The following BBX variants were observed in gnomAD, a reference collection of about 807,000 sequenced individuals.
The protein encoded by BBX is HMG box transcription factor BBX.
BBX carries 30 observed loss-of-function variants against 100.2 expected under a neutral mutation model. The ratio of observed to expected loss-of-function variants is 0.30; its 90% CI spans 0.22 to 0.41. The LOEUF is 0.41. BBX is among the 10% of genes least tolerant of loss of function. BBX has a pLI of 1.00. For synonymous variants in BBX, 376 were observed against 388.1 expected, an observed-to-expected ratio of 0.97 and a Z score of 0.37; for missense variants, 1,023 against 1,129.8, an observed-to-expected ratio of 0.91 and a Z score of 1.35.
At chr3:107,776,661 C>A (rs952052972) in intron 12 of BBX, among the ~76,000 whole-genome samples, 1 of 152,102 alleles carries the variant, frequency 6.6e-6, no homozygotes, top group Non-Finnish European at 1.5e-5. Flanking sequence ...AAGAAAAATT[C>A]TCTCAGTATT....
chr3:107,674,193 A>G (rs1354915293), intron 3 of BBX, among the ~76,000 whole-genome samples: 1 of 152,186 alleles, frequency 6.6e-6, no homozygotes, highest in Non-Finnish European at 1.5e-5. Context: ...ACATGTAAAT[A>G]TCTTTGGAAA....
chr3:107,721,187 A>G (rs890012939), intron 5 of BBX, among the ~76,000 whole-genome samples: 1 of 152,060 alleles, frequency 6.6e-6, no homozygotes, highest in Non-Finnish European at 1.5e-5. Flanking sequence ...TTCTCAAAGC[A>G]TTCAGAACAT....
At chr3:107,670,529 A>G (rs1314898901) in intron 3 of BBX, among the ~76,000 whole-genome samples, 1 of 152,138 alleles carries the variant, frequency 6.6e-6, no homozygotes, top group Non-Finnish European at 1.5e-5. Context: ...TATCAACACC[A>G]TAAATATGTA....
chr3:107,607,814 T>C (rs768760609), intron 2 of BBX, among the ~76,000 whole-genome samples: 1 of 152,224 alleles, frequency 6.6e-6, no homozygotes, highest in Non-Finnish European at 1.5e-5. Flanking sequence ...ATGAGTGATA[T>C]TGTGTACCTT....
chr3:107,596,349 G>A (rs2053666031), intron 2 of BBX, among the ~76,000 whole-genome samples: 1 of 152,144 alleles, frequency 6.6e-6, no homozygotes, highest in South Asian at 2.1e-4. Context: ...CCAGAACATA[G>A]TAAGTTTTCT....
At chr3:107,775,776 A>T (rs982329608) in intron 12 of BBX, among the ~76,000 whole-genome samples, 5 of 152,122 alleles carry the variant, frequency 3.3e-5, no homozygotes, top group Admixed American at 2.0e-4. Flanking sequence ...AGTCTGGCTA[A>T]TTCTAAGGCT....
At chr3:107,698,076 A>G (rs1339683327) in intron 3 of BBX, among the ~76,000 whole-genome samples, 1 of 151,684 alleles carries the variant, frequency 6.6e-6, no homozygotes, top group Non-Finnish European at 1.5e-5. Context: ...GCGCGCACCC[A>G]CTGACCTGCG....
At chr3:107,775,364 T>C (rs1277902260) in intron 12 of BBX, among the ~76,000 whole-genome samples, 1 of 152,140 alleles carries the variant, frequency 6.6e-6, no homozygotes, top group Non-Finnish European at 1.5e-5. Context: ...ACATTCAATA[T>C]ATTAATTATA....
intron 2 of BBX, among the ~76,000 whole-genome samples, chr3:107,605,315 G>T (rs1001826348): frequency 4.0e-5 from 6 of 151,598 alleles, no homozygotes; most frequent in African/African-American, 1.5e-4. Context: ...TTGTCATTTA[G>T]GATAAGACTT....
chr3:107,703,975 G>GAT, intron 3 of BBX, among the ~76,000 whole-genome samples: 1 of 152,196 alleles, frequency 6.6e-6, no homozygotes, highest in Non-Finnish European at 1.5e-5. Context: ...ATAGGAAATA[G>GAT]AGAGTTGGCA....
chr3:107,531,104 G>T (rs1576186262), intron 2 of BBX, among the ~76,000 whole-genome samples: 1 of 152,234 alleles, frequency 6.6e-6, no homozygotes, highest in South Asian at 2.1e-4. Flanking sequence ...AGAAACCTCA[G>T]TACAAAGGAC....
chr3:107,782,125 A>G (rs1322557542), intron 13 of BBX, among the ~76,000 whole-genome samples: 1 of 152,124 alleles, frequency 6.6e-6, no homozygotes, highest in Non-Finnish European at 1.5e-5. Context: ...CTTTGCAGGT[A>G]TAAAACGTAT....
At chr3:107,559,639 G>A (rs2050334478) in intron 2 of BBX, among the ~76,000 whole-genome samples, 1 of 152,192 alleles carries the variant, frequency 6.6e-6, no homozygotes, top group African/African-American at 2.4e-5. Context: ...TGTAGATTTA[G>A]AGAACTTCAT....
chr3:107,798,447 G>C, intron 15 of BBX, 76 bp from the exon 16 acceptor site: 1 of 1,365,624 alleles, frequency 7.3e-7, no homozygotes, highest in South Asian at 1.2e-5. Flanking sequence ...CAGAAATTTA[G>C]ACATGTTTCC....
intron 2 of BBX, among the ~76,000 whole-genome samples, chr3:107,622,616 T>C (rs1473268441): frequency 2.0e-5 from 3 of 152,224 alleles, no homozygotes; most frequent in African/African-American, 4.8e-5. Context: ...GCCTCTTTAA[T>C]GTCTTTATCA....
At chr3:107,769,169 CATAGATAGATAGATAGATAGATAG>C (rs61134656) in intron 10 of BBX, among the ~76,000 whole-genome samples, 1,544 of 132,456 alleles carry the variant, frequency 0.012, 10 homozygotes, top group Non-Finnish European at 0.018. Flanking sequence ...CTCTATCATT[CATAGATAGATAGATAGATAGATAG>C]ATAGATAGAT....
intron 2 of BBX, among the ~76,000 whole-genome samples, chr3:107,632,712 A>G (rs2056619549): frequency 6.6e-6 from 1 of 152,220 alleles, no homozygotes; most frequent in Non-Finnish European, 1.5e-5. Flanking sequence ...AAGGCATGTT[A>G]ATTCTACAAA....
intron 2 of BBX, among the ~76,000 whole-genome samples, chr3:107,631,249 C>T (rs1463884825): frequency 1.3e-5 from 2 of 152,158 alleles, no homozygotes; most frequent in African/African-American, 4.8e-5. Flanking sequence ...TAGGCTCATC[C>T]TAGGCACATC....
At chr3:107,707,101 T>G (rs2061437369) in intron 3 of BBX, among the ~76,000 whole-genome samples, 1 of 152,218 alleles carries the variant, frequency 6.6e-6, no homozygotes, top group Admixed American at 6.5e-5. Context: ...TTTTTCTTGA[T>G]TTTTCATCTG....
Sources: allele counts gnomAD v4.1 joint callset (sites outside exome capture counted in the v4.1 genomes callset), GRCh38; gene constraint gnomAD v4.1.1; transcripts MANE v1.5; gene names NCBI Gene and HGNC (gene_info 2026-07-23, HGNC 2026-07-21).